DSCAML1: variants seen among roughly 807,000 people sequenced by gnomAD.
DSCAML1 encodes the protein DS cell adhesion molecule like 1.
DSCAML1 carries 38 observed loss-of-function variants against 200.5 expected under a neutral mutation model. The observed-to-expected ratio is 0.19, with a 90% CI of 0.15 to 0.25. DSCAML1 has a LOEUF of 0.25. Ranked by LOEUF, DSCAML1 falls within the 10% of genes least tolerant of loss-of-function variation. DSCAML1 has a pLI of 1.00. For synonymous variants in DSCAML1, 1,215 were observed against 1,165.0 expected, an observed-to-expected ratio of 1.04 and a Z score of -0.87; for missense variants, 2,223 against 2,858.8, an observed-to-expected ratio of 0.78 and a Z score of 5.07.
chr11:117,433,409 G>C (rs754586952), intron 28 of DSCAML1, 32 bp downstream of exon 28: 1 of 1,612,844 alleles, frequency 6.2e-7, no homozygotes, highest in South Asian at 1.1e-5. Context: ...GGGGAGAAGG[G>C]AGGAGAAAGG....
Position 117,465,114 on chromosome 11 carries a change from G to C in DSCAML1, c.3093C>G (p.Pro1031=). 1 of 1,614,074 alleles carries C rather than the reference G, an allele frequency of 6.2e-7. No individual in the cohort carries two copies. The highest frequency in any genetic ancestry group is 8.5e-7 in the Non-Finnish European group (1 of 1,180,008). Residue 1031 remains proline, a synonymous_variant, in exon 17 of 33, where the codon CCC becomes CCG. Transcript: ENST00000651296. ...CGATGCTGTACTGCCCGTTGCTGCC[G>C]GGGCTGTTCTCTCTGTAGCCAATCT... The part of the protein sequence containing the change: ...GYQIGYRENS[P]GSNGQYSIVE...
intron 11 of DSCAML1, among the ~76,000 whole-genome samples, chr11:117,482,798 A>G (rs2048956211): frequency 6.6e-6 from 1 of 152,230 alleles, no homozygotes; most frequent in African/African-American, 2.4e-5. Flanking sequence ...CTCCTCCCAC[A>G]TTCATGGATC....
chr11:117,588,706 G>A (rs2051199658), intron 3 of DSCAML1, among the ~76,000 whole-genome samples: 1 of 152,176 alleles, frequency 6.6e-6, no homozygotes. Context: ...ATCCAAACAA[G>A]CAAGAGGGAT....
Position 117,776,956 on chromosome 11 carries a change from TG to T in DSCAML1, c.365-20del. ...CTGAAAACTGCAGAGAGATTGGCAG[TG>T]GGGAAGAGAAGAGTGTCACAAGGAT... On this transcript the variant is annotated intron_variant, in intron 2 of 32. Coordinates refer to ENST00000651296, the MANE Select transcript of DSCAML1 (RefSeq NM_020693.4). 1 of 1,612,934 alleles carries T rather than the reference TG, an allele frequency of 6.2e-7. No homozygotes were observed. The highest frequency in any genetic ancestry group is 8.5e-7 in the Non-Finnish European group (1 of 1,179,844).
chr11:117,605,411 C>T (rs1224921693), intron 3 of DSCAML1, among the ~76,000 whole-genome samples: 1 of 152,200 alleles, frequency 6.6e-6, no homozygotes, highest in Non-Finnish European at 1.5e-5. Context: ...GCCGCAAGCA[C>T]AGAGCCCTCT....
intron 4 of DSCAML1, among the ~76,000 whole-genome samples, chr11:117,525,951 G>A (rs1213760459): frequency 6.6e-6 from 1 of 152,200 alleles, no homozygotes; most frequent in East Asian, 1.9e-4. Flanking sequence ...AGCCTAGAAG[G>A]ATTCAGAAGC....
intron 3 of DSCAML1, among the ~76,000 whole-genome samples, chr11:117,612,806 G>A (rs1027322769): frequency 6.6e-6 from 1 of 152,198 alleles, no homozygotes; most frequent in East Asian, 1.9e-4. Context: ...CCTGTGGCTT[G>A]GTGGCCCAGA....
chr11:117,464,616 AG>A, intron 17 of DSCAML1, among the ~76,000 whole-genome samples: 1 of 152,186 alleles, frequency 6.6e-6, no homozygotes, highest in East Asian at 1.9e-4. Context: ...TTAGCGTGCC[AG>A]GAAGAAGGAG....
intron 3 of DSCAML1, among the ~76,000 whole-genome samples, chr11:117,584,839 T>C (rs1210883081): frequency 2.0e-5 from 3 of 152,220 alleles, no homozygotes; most frequent in Non-Finnish European, 4.4e-5. Flanking sequence ...TCAGTCTCCT[T>C]TTCTGTAAAA....
intron 3 of DSCAML1, among the ~76,000 whole-genome samples, chr11:117,620,135 A>G (rs2051896752): frequency 6.6e-6 from 1 of 152,188 alleles, no homozygotes; most frequent in East Asian, 1.9e-4. Context: ...TTGAGGTCCC[A>G]TATGTGAACG....
chr11:117,458,615 G>T lies in DSCAML1; in HGVS notation c.3568+139C>A, dbSNP rs2048419453. On this transcript the variant is annotated intron_variant, in intron 19 of 32. Coordinates refer to ENST00000651296, the MANE Select transcript of DSCAML1 (RefSeq NM_020693.4). ...GAATCCTAGAGCATTTCCCTCAAGA[G>T]TCCTCAAGGCTACTCTCCCACAGTT... 26 of 1,133,150 alleles carry T rather than the reference G, an allele frequency of 2.3e-5. No individual in the cohort carries two copies. The South Asian group carries it at 3.2e-4, about 14-fold the overall frequency. 70.2% of individuals were successfully genotyped at this position (1,133,150 alleles called of 1,614,324 possible).
At chr11:117,727,847 C>T (rs556270385) in intron 3 of DSCAML1, among the ~76,000 whole-genome samples, 10 of 152,220 alleles carry the variant, frequency 6.6e-5, no homozygotes, top group African/African-American at 1.4e-4. Context: ...CTGAGCCAAG[C>T]GTAAAAGACA....
chr11:117,769,552 A>ATATATAT (rs2055001172), intron 3 of DSCAML1, among the ~76,000 whole-genome samples: 2 of 67,912 alleles, frequency 2.9e-5, no homozygotes, highest in South Asian at 3.2e-4. Context: ...TATATTTTAT[A>ATATATAT]TATATATTTT....
intron 3 of DSCAML1, among the ~76,000 whole-genome samples, chr11:117,612,714 C>CT (rs1366977546): frequency 6.6e-6 from 1 of 152,192 alleles, no homozygotes; most frequent in Non-Finnish European, 1.5e-5. Context: ...GTGCCCAGGG[C>CT]CAAACCAGCC....
intron 3 of DSCAML1, among the ~76,000 whole-genome samples, chr11:117,569,168 T>C (rs1054542502): frequency 6.6e-6 from 1 of 152,204 alleles, no homozygotes; most frequent in Non-Finnish European, 1.5e-5. Flanking sequence ...GCTAGCCATA[T>C]GTAGAAAGCT....
chr11:117,432,436 A>G lies in DSCAML1; in HGVS notation c.5095T>C (p.Cys1699Arg). Residue 1699 changes from cysteine (C) to arginine (R), a missense_variant, in exon 30 of 33, where the codon TGT becomes CGT. Cys to Arg is a radical substitution (Grantham distance 180, BLOSUM62 -3). This residue lies in a region of DSCAML1 where 614 missense variants were observed against 739.1 expected (regional missense o/e 0.83). Coordinates refer to ENST00000651296, the MANE Select transcript of DSCAML1 (RefSeq NM_020693.4). ...GGGTGGTGCAAGGAGACGCCAGTAC[A>G]GAAGCTCTGTGGGTTGACAGCTTGG... is the stretch of plus-strand genomic sequence containing the variant. ...FSQAVNPQSF[C>R]TGVSLHHPTL... The G allele has an allele frequency of 6.2e-7, 1 of 1,614,196 alleles. No homozygotes were observed. The highest frequency in any genetic ancestry group is 8.5e-7 in the Non-Finnish European group (1 of 1,180,032).
In DSCAML1 at chr11:117,618,354, A is replaced by G. The variant is rs919051368; in HGVS notation, c.512-85832T>C. ...TTATAAGAAAAGTCTTCCATATAAT[A>G]GAGCTTAAATTTATTTCCCTGGAAC... On this transcript the variant is annotated intron_variant, in intron 3 of 32. Transcript: ENST00000651296. Among the ~76,000 whole-genome samples, 8 of 152,246 alleles carry G rather than the reference A, an allele frequency of 5.3e-5. No homozygotes were observed. The South Asian group carries it at 6.2e-4, about 12-fold the overall frequency.
At chr11:117,438,181 G>C (rs2047961933) in intron 24 of DSCAML1, 98 bp from the exon 25 acceptor site, 1 of 1,227,372 alleles carries the variant, frequency 8.1e-7, no homozygotes, top group Non-Finnish European at 1.1e-6. Context: ...CTCCAGGCAG[G>C]GGGCAGAGTC....
intron 16 of DSCAML1, among the ~76,000 whole-genome samples, chr11:117,465,422 T>G (rs2048561076): frequency 6.6e-6 from 1 of 152,204 alleles, no homozygotes; most frequent in South Asian, 2.1e-4. Flanking sequence ...TCTGGCCTCT[T>G]TGGCCGCATC....
Sources: allele counts gnomAD v4.1 joint callset (sites outside exome capture counted in the v4.1 genomes callset), GRCh38; gene constraint gnomAD v4.1.1; regional missense constraint gnomAD v4.1.1; transcripts MANE v1.5; gene names NCBI Gene and HGNC (gene_info 2026-07-23, HGNC 2026-07-21).